CNBD1: variants seen among roughly 807,000 people sequenced by gnomAD.
CNBD1 encodes the protein cyclic nucleotide binding domain containing 1, also known as cyclic nucleotide-binding domain-containing protein 1.
Under a neutral mutation model 54.4 loss-of-function variants are expected in CNBD1, and 71 were observed. The observed-to-expected ratio is 1.30, with a 90% CI of 1.08 to 1.59. CNBD1 has a LOEUF of 1.59. Among genes scored for constraint, CNBD1 ranks in the 40% most tolerant of loss-of-function variants. The pLI is 0.00. For missense variants in CNBD1, 659 were observed against 518.0 expected (o/e 1.27, Z -2.64); for synonymous variants, 182 against 170.7 (o/e 1.07, Z -0.51).
chr8:86,966,597 G>A lies in CNBD1; in HGVS notation c.431+26843G>A, dbSNP rs546048317. ...GTTCATTCCTCCCGGTGGGTTCATC[G>A]TCTCACTGGCTTCAGGACTGAAGCT... On this transcript the variant is annotated intron_variant, in intron 4 of 10. Coordinates refer to ENST00000518476, the MANE Select transcript of CNBD1 (RefSeq NM_173538.3). Among the ~76,000 whole-genome samples, 46 of 152,136 alleles carry A rather than the reference G, an allele frequency of 3.0e-4. 1 individual carries two copies. The highest frequency in any genetic ancestry group is 1.0e-3 in the African/African-American group (43 of 41,512).
intron 10 of CNBD1, among the ~76,000 whole-genome samples, chr8:87,356,206 G>T (rs1810416867): frequency 6.6e-6 from 1 of 152,184 alleles, no homozygotes; most frequent in Non-Finnish European, 1.5e-5. Flanking sequence ...GACGTGGGGT[G>T]TTGCTATAAA....
At chr8:87,278,734 A>C (rs866946784) in intron 6 of CNBD1, among the ~76,000 whole-genome samples, 1 of 151,580 alleles carries the variant, frequency 6.6e-6, no homozygotes, top group Non-Finnish European at 1.5e-5. Context: ...AAGAACAAAG[A>C]AACTTCTTGG....
At chr8:87,359,248 T>TTATTCCATAGTCTGCATACATCAGAC (rs1223698825) in intron 10 of CNBD1, among the ~76,000 whole-genome samples, 3 of 146,792 alleles carry the variant, frequency 2.0e-5, no homozygotes, top group East Asian at 1.9e-4. Flanking sequence ...ATAGTCTGTT[T>TTATTCCATAGTCTGCATACATCAGAC]TATTCCATAG....
intron 4 of CNBD1, among the ~76,000 whole-genome samples, chr8:87,069,400 C>CTGTATTTAACACTGTA (rs1810717183): frequency 6.6e-6 from 1 of 151,936 alleles, no homozygotes; most frequent in Non-Finnish European, 1.5e-5. Context: ...TTACTGTAAC[C>CTGTATTTAACACTGTA]TTTTCTATGT....
intron 4 of CNBD1, among the ~76,000 whole-genome samples, chr8:87,188,566 C>T (rs1490360877): frequency 6.6e-6 from 1 of 151,814 alleles, no homozygotes; most frequent in African/African-American, 2.4e-5. Context: ...CCCATCTCTA[C>T]TAAAAATACA....
intron 4 of CNBD1, among the ~76,000 whole-genome samples, chr8:87,077,667 G>A (rs190376375): frequency 6.0e-4 from 90 of 150,416 alleles, no homozygotes; most frequent in African/African-American, 1.9e-3. Context: ...AACATGTGGC[G>A]TTTGGTTTTC....
At chr8:87,043,468 A>G (rs1034666200) in intron 4 of CNBD1, among the ~76,000 whole-genome samples, 3 of 152,208 alleles carry the variant, frequency 2.0e-5, no homozygotes, top group African/African-American at 2.4e-5. Flanking sequence ...TAAACCATAT[A>G]TATGTTCCAC....
chr8:87,233,565 C>T (rs1270408014), intron 5 of CNBD1, among the ~76,000 whole-genome samples: 2 of 152,114 alleles, frequency 1.3e-5, no homozygotes, highest in African/African-American at 2.4e-5. Context: ...GAGGGTCTTG[C>T]CTCAATGTTG....
intron 8 of CNBD1, among the ~76,000 whole-genome samples, chr8:87,301,824 G>T (rs1230513147): frequency 6.6e-6 from 1 of 152,144 alleles, no homozygotes; most frequent in African/African-American, 2.4e-5. Flanking sequence ...CAATCCCACA[G>T]AAATACAAAC....
chr8:87,221,305 A>G (rs963294226), intron 5 of CNBD1, among the ~76,000 whole-genome samples: 1 of 151,960 alleles, frequency 6.6e-6, no homozygotes, highest in Non-Finnish European at 1.5e-5. Context: ...TGCTCTCCTA[A>G]GTGTGTCCTA....
intron 4 of CNBD1, among the ~76,000 whole-genome samples, chr8:87,066,323 C>T (rs1810652890): frequency 6.6e-6 from 1 of 151,290 alleles, no homozygotes; most frequent in South Asian, 2.1e-4. Context: ...AAGAATTATT[C>T]AGATGTTACA....
intron 3 of CNBD1, among the ~76,000 whole-genome samples, chr8:86,919,775 T>C (rs1350238734): frequency 6.6e-6 from 1 of 152,206 alleles, no homozygotes; most frequent in African/African-American, 2.4e-5. Flanking sequence ...AAGCTGACTT[T>C]GCTGTCAAAG....
At chr8:87,410,929 A>G (rs1807730419) in intron 2 of CNBD1, among the ~76,000 whole-genome samples, 1 of 151,198 alleles carries the variant, frequency 6.6e-6, no homozygotes, top group Admixed American at 6.6e-5. Flanking sequence ...GATTGTTAGC[A>G]TTTTTTTAGC....
intron 1 of CNBD1, among the ~76,000 whole-genome samples, chr8:86,869,495 C>A (rs1563805139): frequency 6.6e-6 from 1 of 152,224 alleles, no homozygotes; most frequent in Non-Finnish European, 1.5e-5. Context: ...ATCTTGTTGA[C>A]TCTGAAATTC....
At chr8:87,228,932 T>G (rs1343977082) in intron 5 of CNBD1, among the ~76,000 whole-genome samples, 10 of 152,090 alleles carry the variant, frequency 6.6e-5, no homozygotes, top group Admixed American at 6.5e-4. Context: ...GTGGGGGATA[T>G]AATCTCATGG....
chr8:87,254,091 G>A (rs1017012694), intron 6 of CNBD1, among the ~76,000 whole-genome samples: 11 of 152,158 alleles, frequency 7.2e-5, no homozygotes, highest in Non-Finnish European at 1.5e-4. Flanking sequence ...TACAGAAATA[G>A]GTCAGAAATG....
At chr8:87,352,616 T>C (rs1810328040) in intron 9 of CNBD1, among the ~76,000 whole-genome samples, 1 of 152,098 alleles carries the variant, frequency 6.6e-6, no homozygotes, top group Non-Finnish European at 1.5e-5. Flanking sequence ...GTAAAAATAA[T>C]TATGGATACT....
intron 6 of CNBD1, among the ~76,000 whole-genome samples, chr8:87,269,308 G>A (rs1215613152): frequency 6.6e-6 from 1 of 152,020 alleles, no homozygotes; most frequent in Non-Finnish European, 1.5e-5. Flanking sequence ...GTACTATGCT[G>A]TTTTGGTTAC....
intron 2 of CNBD1, among the ~76,000 whole-genome samples, chr8:86,900,094 CA>C (rs1255324194): frequency 6.6e-6 from 1 of 152,110 alleles, no homozygotes; most frequent in Non-Finnish European, 1.5e-5. Flanking sequence ...ATTTGTTATG[CA>C]GGATATGTGC....
Sources: allele counts gnomAD v4.1 joint callset (sites outside exome capture counted in the v4.1 genomes callset), GRCh38; gene constraint gnomAD v4.1.1; transcripts MANE v1.5; gene names NCBI Gene and HGNC (gene_info 2026-07-23, HGNC 2026-07-21).